The following TVP23C variants were observed in gnomAD, a reference collection of about 807,000 sequenced individuals.
The protein encoded by TVP23C is Golgi apparatus membrane protein TVP23 homolog C.
TVP23C carries 19 observed loss-of-function variants against 28.7 expected under a neutral mutation model. That is an observed-to-expected ratio of 0.66 (90% CI 0.46 to 0.97). The LOEUF is 0.97. Ranked by LOEUF, TVP23C falls within the 50% of genes least tolerant of loss-of-function variation. The pLI is 0.00. For missense variants in TVP23C, 186 were observed against 241.3 expected (o/e 0.77, Z 1.52); for synonymous variants, 68 against 81.7 (o/e 0.83, Z 0.90).
chr17:15,540,315 T>C lies in TVP23C; in HGVS notation c.*97A>G. ...AAGAGCAATTACAACATCTTTATCA[T>C]TATATTTATACAACTATATGCCTTT... On this transcript the variant is annotated 3_prime_UTR_variant, in exon 6 of 6. Transcript: ENST00000518321. 3 of 1,370,592 alleles carry C rather than the reference T, an allele frequency of 2.2e-6. No homozygotes were observed. Among genetic ancestry groups the C allele is most frequent in the Non-Finnish European group, 2.9e-6 (3 of 1,032,740 alleles). The allele number at this position is 1,370,592 out of a possible 1,614,324, so 84.9% of individuals were successfully genotyped here.
chr17:15,521,694 A>T (rs1449929537), intron 5 of TVP23C, among the ~76,000 whole-genome samples: 1 of 152,248 alleles, frequency 6.6e-6, no homozygotes, highest in Non-Finnish European at 1.5e-5. Flanking sequence ...GTAATTGGTT[A>T]GCCACATGGG....
downstream of TVP23C, among the ~76,000 whole-genome samples, chr17:15,532,017 T>TG (rs1982968119): frequency 6.6e-6 from 1 of 152,148 alleles, no homozygotes; most frequent in African/African-American, 2.4e-5. Flanking sequence ...GTCACCAAAA[T>TG]CTCTGCTTGG....
At chr17:15,523,828 T>G (rs866619748) in intron 5 of TVP23C, among the ~76,000 whole-genome samples, 6 of 151,878 alleles carry the variant, frequency 4.0e-5, no homozygotes, top group Admixed American at 3.9e-4. Flanking sequence ...TTAGCCAGGA[T>G]GGTCTCGATC....
At chr17:15,503,438 GCTTT>G in intron 5 of TVP23C, 1 of 548,896 alleles carries the variant, frequency 1.8e-6, no homozygotes, top group Non-Finnish European at 3.1e-6. Flanking sequence ...AAGGTGACCT[GCTTT>G]AGAACGCCTC....
intron 5 of TVP23C, among the ~76,000 whole-genome samples, chr17:15,512,831 CT>C (rs1982058310): frequency 6.6e-6 from 1 of 152,180 alleles, no homozygotes; most frequent in African/African-American, 2.4e-5. Context: ...AGAAAGATGG[CT>C]GATTAAGGAC....
rs549120293 is a variant in TVP23C, at chr17:15,551,214, T to G, written c.240+2471A>C. 9.2e-5 allele frequency among the ~76,000 whole-genome samples: 14 copies of G among 151,580 alleles called. No individual in the cohort carries two copies. The East Asian group carries it at 2.3e-3, about 25-fold the overall frequency. On this transcript the variant is annotated intron_variant, in intron 3 of 5. Transcript: ENST00000518321. ...TCACTGCCAAGCTCCGCCTCCTGCC[T>G]CAGCCTCCTGAATAGCTGGGACTAC...
At chr17:15,558,828 G>A (rs1160034155) in intron 1 of TVP23C, among the ~76,000 whole-genome samples, 1 of 147,076 alleles carries the variant, frequency 6.8e-6, no homozygotes, top group East Asian at 2.0e-4. Context: ...GTAGCAACAG[G>A]AAATTTATAC....
chr17:15,509,464 AAGTGGTGGTTCCT>A (rs908320664), intron 5 of TVP23C, among the ~76,000 whole-genome samples: 1 of 152,214 alleles, frequency 6.6e-6, no homozygotes, highest in African/African-American at 2.4e-5. Flanking sequence ...CCTTCTTTCC[AAGTGGTGGTTCCT>A]ACCAGCTGCA....
intron 5 of TVP23C, chr17:15,506,922 C>T: frequency 9.1e-7 from 1 of 1,093,626 alleles, no homozygotes; most frequent in Non-Finnish European, 1.4e-6. Context: ...CCTTGGGCCG[C>T]ATCTCCTTTG....
chr17:15,520,307 C>A (rs1187803221), intron 5 of TVP23C, among the ~76,000 whole-genome samples: 3 of 149,640 alleles, frequency 2.0e-5, no homozygotes, highest in Non-Finnish European at 1.5e-5. Flanking sequence ...TCCCTACTGC[C>A]AGTTAAACAG....
chr17:15,510,353 A>G (rs1981946860), intron 5 of TVP23C, among the ~76,000 whole-genome samples: 1 of 152,232 alleles, frequency 6.6e-6, no homozygotes, highest in South Asian at 2.1e-4. Context: ...TTATCAACAC[A>G]AGACGTACAA....
chr17:15,509,502 T>C (rs1981913034), intron 5 of TVP23C, among the ~76,000 whole-genome samples: 1 of 152,272 alleles, frequency 6.6e-6, no homozygotes, highest in South Asian at 2.1e-4. Context: ...TGCGAGTTTC[T>C]TGGTCTTTGC....
intron 2 of TVP23C, 117 bp downstream of exon 2, chr17:15,555,165 C>T (rs1984072488): frequency 1.5e-6 from 2 of 1,309,282 alleles, no homozygotes; most frequent in Non-Finnish European, 2.1e-6. Context: ...AAATTAGCAA[C>T]ATGCAGTATT....
At chr17:15,550,905 G>T (rs1276911164) in intron 3 of TVP23C, among the ~76,000 whole-genome samples, 1 of 151,990 alleles carries the variant, frequency 6.6e-6, no homozygotes, top group Non-Finnish European at 1.5e-5. Context: ...TAGTATTCTT[G>T]TCTTTAAATG....
Position 15,538,641 on chromosome 17 carries a change from A to G in TVP23C, c.*1771T>C. The G allele has an allele frequency of 1.0e-6, 1 of 985,384 alleles. No homozygotes were observed. The highest frequency in any genetic ancestry group is 1.2e-6 in the Non-Finnish European group (1 of 829,910). The allele number at this position is 985,384 out of a possible 1,614,324, so 61.0% of individuals were successfully genotyped here. A position where few individuals can be genotyped will look rare whatever the true frequency, so the allele number is the denominator to read the frequency against. On this transcript the variant is annotated 3_prime_UTR_variant, in exon 6 of 6. Transcript: ENST00000518321. ...AGACATGCGCTAATGAAGTAAATCCATGGATACCATCATCCACCCAGCTGT... is the reference window on the plus strand; with the variant it reads ...AGACATGCGCTAATGAAGTAAATCCGTGGATACCATCATCCACCCAGCTGT...
intron 5 of TVP23C, among the ~76,000 whole-genome samples, chr17:15,517,069 G>A (rs544137450): frequency 1.7e-4 from 26 of 152,222 alleles, no homozygotes; most frequent in Admixed American, 1.2e-3. Flanking sequence ...TTATAAAAGA[G>A]AGTGTCTATT....
At chr17:15,556,587 C>T (rs959128975) in intron 1 of TVP23C, among the ~76,000 whole-genome samples, 2 of 151,972 alleles carry the variant, frequency 1.3e-5, no homozygotes. Flanking sequence ...GATTTCATGA[C>T]CTTGTGATCC....
downstream of TVP23C, among the ~76,000 whole-genome samples, chr17:15,532,903 C>A (rs1983006172): frequency 6.6e-6 from 1 of 152,210 alleles, no homozygotes; most frequent in African/African-American, 2.4e-5. Flanking sequence ...CTTCTCTTCT[C>A]AAATTTCATA....
At chr17:15,532,696 A>G (rs1982997586), downstream of TVP23C, among the ~76,000 whole-genome samples, 1 of 152,162 alleles carries the variant, frequency 6.6e-6, no homozygotes. Flanking sequence ...GCAGAATCAG[A>G]TATTCAAAGA....
Sources: allele counts gnomAD v4.1 joint callset (sites outside exome capture counted in the v4.1 genomes callset), GRCh38; gene constraint gnomAD v4.1.1; transcripts MANE v1.5; gene names NCBI Gene and HGNC (gene_info 2026-07-23, HGNC 2026-07-21).